Variants in RBPJ observed in about 807,000 individuals in gnomAD.
RBPJ encodes the protein recombination signal binding protein for immunoglobulin kappa J region, also known as recombining binding protein suppressor of hairless.
In RBPJ, 9 loss-of-function variants were observed where a neutral mutation model predicts 67.8. That is an observed-to-expected ratio of 0.13 (90% CI 0.08 to 0.23). The LOEUF (loss-of-function observed/expected upper bound fraction) is 0.23, where lower values mean the gene tolerates loss of function less well. Ranked by LOEUF, RBPJ falls within the 10% of genes least tolerant of loss-of-function variation. The pLI, the probability that RBPJ is intolerant of heterozygous loss-of-function variation, is 1.00. For synonymous variants in RBPJ, 198 were observed against 203.3 expected (o/e 0.97, Z 0.22); for missense variants, 305 against 595.6 (o/e 0.51, Z 5.08).
chr4:26,162,677 A>G (rs991616723), upstream of RBPJ, among the ~76,000 whole-genome samples: 1 of 152,208 alleles, frequency 6.6e-6, no homozygotes, highest in East Asian at 1.9e-4. Context: ...TCAGACAGCT[A>G]TTAGGTGGCA....
intron 1 of RBPJ, among the ~76,000 whole-genome samples, chr4:26,228,164 A>C (rs1195846820): frequency 1.3e-5 from 2 of 152,244 alleles, no homozygotes; most frequent in Non-Finnish European, 2.9e-5. Context: ...CGAATCTGCC[A>C]CAGGGGTTTA....
chr4:26,313,686 A>G (rs993592574), intron 1 of RBPJ, among the ~76,000 whole-genome samples: 1 of 151,356 alleles, frequency 6.6e-6, no homozygotes, highest in African/African-American at 2.4e-5. Flanking sequence ...AAAAAAAAAA[A>G]TTAGCAGGGC....
At chr4:26,199,365 G>T (rs58405117) in intron 1 of RBPJ, among the ~76,000 whole-genome samples, 189 of 152,324 alleles carry the variant, frequency 1.2e-3, no homozygotes, top group African/African-American at 4.3e-3. Context: ...AACCCGGGAG[G>T]TGGAGCTTGC....
chr4:26,398,955 A>T (rs1732469162), intron 2 of RBPJ, among the ~76,000 whole-genome samples: 1 of 152,204 alleles, frequency 6.6e-6, no homozygotes, highest in Admixed American at 6.5e-5. Context: ...GCTACTTAAA[A>T]GTACTCAGTT....
At chr4:26,132,815 C>T in the RBPJ span, among the ~76,000 whole-genome samples, 2 of 152,206 alleles carry the variant, frequency 1.3e-5, no homozygotes, top group East Asian at 1.9e-4. Context: ...TCAACCCCCC[C>T]ACCCCACATC....
intron 1 of RBPJ, among the ~76,000 whole-genome samples, chr4:26,378,283 A>C (rs1393910440): frequency 1.3e-5 from 2 of 152,206 alleles, no homozygotes; most frequent in African/African-American, 4.8e-5. Context: ...AGTTTGTCTC[A>C]TTCAGTCTTG....
In RBPJ at chr4:26,424,301, C is replaced by T; in HGVS notation, c.497-41C>T. 1 of 1,600,596 alleles carries T rather than the reference C, an allele frequency of 6.2e-7. No individual in the cohort carries two copies. The highest frequency in any genetic ancestry group is 1.1e-5 in the South Asian group (1 of 89,782). ...CCTTCTTTTGCTCCCTCCCCACCTT[C>T]TGCTCCAATCACATAAATAAGAGCT... On this transcript the variant is annotated intron_variant, in intron 5 of 10. Coordinates refer to ENST00000355476, the MANE Select transcript of RBPJ (RefSeq NM_015874.6). This position sits in a 1 kb window ranked among gnomAD's most constrained non-coding sequence, Gnocchi z 5.3.
intron 7 of RBPJ, chr4:26,428,504 G>T: frequency 2.1e-6 from 1 of 467,336 alleles, no homozygotes; most frequent in Non-Finnish European, 3.8e-6. Context: ...CAGGGAAGAG[G>T]GTAACAGTTT....
the RBPJ span, among the ~76,000 whole-genome samples, chr4:26,155,894 T>C: frequency 3.9e-5 from 6 of 152,172 alleles, no homozygotes; most frequent in African/African-American, 7.2e-5. Context: ...AAATTGACCA[T>C]GTTGAGAAGA....
At chr4:26,284,469 T>A (rs566977721) in intron 1 of RBPJ, among the ~76,000 whole-genome samples, 14 of 152,260 alleles carry the variant, frequency 9.2e-5, no homozygotes, top group Admixed American at 2.6e-4. Context: ...TTTTAATTTT[T>A]ATTTTATTTT....
chr4:26,170,966 C>A (rs942920447), intron 1 of RBPJ, among the ~76,000 whole-genome samples: 1 of 152,156 alleles, frequency 6.6e-6, no homozygotes, highest in African/African-American at 2.4e-5. Flanking sequence ...TAGTAAGGTG[C>A]CATGTAGCAG....
intron 1 of RBPJ, among the ~76,000 whole-genome samples, chr4:26,332,640 G>T (rs949330686): frequency 6.6e-6 from 1 of 152,074 alleles, no homozygotes; most frequent in African/African-American, 2.4e-5. Context: ...TTTGTTATAA[G>T]AAATTCAGAA....
At chr4:26,320,881 C>G, upstream of RBPJ, 1 of 1,580,758 alleles carries the variant, frequency 6.3e-7, no homozygotes, top group Non-Finnish European at 8.6e-7. Context: ...GCGTCTGGCT[C>G]TTCGCGGCGG....
intron 1 of RBPJ, among the ~76,000 whole-genome samples, chr4:26,279,170 T>C (rs1048569820): frequency 6.6e-6 from 1 of 152,218 alleles, no homozygotes; most frequent in Non-Finnish European, 1.5e-5. Context: ...TTACAGGTGG[T>C]AGTTTCAAAT....
chr4:26,139,118 A>G, the RBPJ span, among the ~76,000 whole-genome samples: 2 of 150,278 alleles, frequency 1.3e-5, no homozygotes, highest in African/African-American at 4.9e-5. Flanking sequence ...AGCCCTGCCC[A>G]AGGCATAAGC....
At chr4:26,347,426 A>G (rs920655913) in intron 1 of RBPJ, among the ~76,000 whole-genome samples, 10 of 152,240 alleles carry the variant, frequency 6.6e-5, no homozygotes, top group African/African-American at 2.4e-4. Context: ...AACAAGGTAG[A>G]ATAAAAGCCT....
At chr4:26,323,499 G>T (rs1407042816) in intron 1 of RBPJ, among the ~76,000 whole-genome samples, 2 of 152,140 alleles carry the variant, frequency 1.3e-5, no homozygotes, top group East Asian at 3.8e-4. Flanking sequence ...ATCTGGATGC[G>T]TTGTGGCTGG....
chr4:26,360,496 A>G (rs1036090214), intron 1 of RBPJ, among the ~76,000 whole-genome samples: 5 of 152,146 alleles, frequency 3.3e-5, no homozygotes, highest in Non-Finnish European at 7.3e-5. Flanking sequence ...TACAGAGATG[A>G]AAGACAAAAG....
chr4:26,156,992 C>T, the RBPJ span, among the ~76,000 whole-genome samples: 1 of 151,252 alleles, frequency 6.6e-6, no homozygotes, highest in African/African-American at 2.4e-5. Flanking sequence ...AAAGGATCAC[C>T]TGAGCCCAGG....
Sources: allele counts gnomAD v4.1 joint callset (sites outside exome capture counted in the v4.1 genomes callset), GRCh38; gene constraint gnomAD v4.1.1; non-coding constraint Gnocchi (gnomAD v3.1); transcripts MANE v1.5; gene names NCBI Gene and HGNC (gene_info 2026-07-23, HGNC 2026-07-21).